CBFA2T2: variants seen among roughly 807,000 people sequenced by gnomAD.
The protein encoded by CBFA2T2 is protein CBFA2T2.
CBFA2T2 carries 11 observed loss-of-function variants against 62.2 expected under a neutral mutation model. That is an observed-to-expected ratio of 0.18 (90% confidence interval 0.11 to 0.29). The LOEUF (loss-of-function observed/expected upper bound fraction) is 0.29. CBFA2T2 is among the 10% of genes least tolerant of loss of function. The pLI is 1.00. For missense variants in CBFA2T2, 592 were observed against 774.1 expected, an observed-to-expected ratio of 0.76 and a Z score of 2.79; for synonymous variants, 295 against 287.5, an observed-to-expected ratio of 1.03 and a Z score of -0.27.
intron 1 of CBFA2T2, among the ~76,000 whole-genome samples, chr20:33,504,215 C>G (rs900860690): frequency 6.6e-6 from 1 of 151,792 alleles, no homozygotes; most frequent in African/African-American, 2.4e-5. Flanking sequence ...TAGGTTGTTC[C>G]TTTTTATTGT....
intron 3 of CBFA2T2, among the ~76,000 whole-genome samples, chr20:33,615,589 A>G (rs527992184): frequency 2.6e-5 from 4 of 152,230 alleles, no homozygotes; most frequent in South Asian, 4.1e-4. Context: ...ATTCCCCCCA[A>G]TAAGTAGCAA....
chr20:33,606,895 T>C, intron 1 of CBFA2T2, 61 bp from the exon 2 acceptor site: 2 of 1,539,704 alleles, frequency 1.3e-6, no homozygotes, highest in Non-Finnish European at 1.8e-6. Context: ...TATTTCAAAT[T>C]GTTGTCTGTT....
chr20:33,585,260 A>T (rs571910015), intron 1 of CBFA2T2, among the ~76,000 whole-genome samples: 1 of 152,290 alleles, frequency 6.6e-6, no homozygotes, highest in South Asian at 2.1e-4. Context: ...GCAAATGAAA[A>T]TATTTTATAA....
rs139607393 is a variant in CBFA2T2 at position 33,557,875 on chromosome 20, G to T, written c.35-49081G>T. ...TTTGAGACAAAAATCTTGCTCTGTCGCCCAAGCTAAAGTGCAGTGGCGCGA... is the reference window on the plus strand; with the variant it reads ...TTTGAGACAAAAATCTTGCTCTGTCTCCCAAGCTAAAGTGCAGTGGCGCGA... On this transcript the variant is annotated intron_variant, in intron 1 of 10. Coordinates refer to ENST00000342704, the MANE Select transcript of CBFA2T2 (RefSeq NM_001032999.3). Among the ~76,000 whole-genome samples, 695 of 149,554 alleles carry T rather than the reference G, an allele frequency of 4.6e-3. 4 individuals are homozygous for T. The highest frequency in any genetic ancestry group is 0.014 in the Middle Eastern group (4 of 290).
intron 1 of CBFA2T2, among the ~76,000 whole-genome samples, chr20:33,576,997 G>C (rs372228301): frequency 1.3e-5 from 2 of 152,212 alleles, no homozygotes; most frequent in East Asian, 3.8e-4. Context: ...GCCAAAAAAA[G>C]ATGGAGCACT....
intron 1 of CBFA2T2, among the ~76,000 whole-genome samples, chr20:33,554,186 A>G (rs944718697): frequency 6.6e-6 from 1 of 152,072 alleles, no homozygotes; most frequent in East Asian, 1.9e-4. Context: ...ACTTCTGTGC[A>G]AGTAAGGAGT....
At chr20:33,613,569 C>A (rs764999589) in intron 3 of CBFA2T2, among the ~76,000 whole-genome samples, 15 of 152,128 alleles carry the variant, frequency 9.9e-5, no homozygotes, top group Admixed American at 8.5e-4. Flanking sequence ...GACTCAATGC[C>A]AAGGTTTTTG....
At position 33,644,964 on chromosome 20, in the gene CBFA2T2, A is replaced by C; in HGVS notation, c.*318A>C. The C allele has an allele frequency of 5.5e-5, 16 of 292,882 alleles. No homozygotes were observed. The highest frequency in any genetic ancestry group is 7.1e-5 in the Non-Finnish European group (11 of 155,082). 18.1% of individuals were successfully genotyped at this position (292,882 alleles called of 1,614,324 possible). A position where few individuals can be genotyped will look rare whatever the true frequency, so the allele number is the denominator to read the frequency against. Reference sequence around the variant, plus strand: ...GTGTAGACCACCAGCTCCCCTCCCCATCTCCTTGAGTCAGCAGACTGTCCA... The same window carrying C: ...GTGTAGACCACCAGCTCCCCTCCCCCTCTCCTTGAGTCAGCAGACTGTCCA... On this transcript the variant is annotated 3_prime_UTR_variant, in exon 11 of 11. Coordinates refer to ENST00000342704, the MANE Select transcript of CBFA2T2 (RefSeq NM_001032999.3).
chr20:33,634,227 A>G (rs1317759884), intron 8 of CBFA2T2, among the ~76,000 whole-genome samples: 1 of 152,174 alleles, frequency 6.6e-6, no homozygotes, highest in Non-Finnish European at 1.5e-5. Context: ...TTGGCCTCCC[A>G]AAGTGCTGAG....
chr20:33,634,766 C>G (rs2016579331), intron 8 of CBFA2T2, among the ~76,000 whole-genome samples: 1 of 151,414 alleles, frequency 6.6e-6, no homozygotes, highest in African/African-American at 2.4e-5. Flanking sequence ...CTAGTTAAGT[C>G]CATAGCAGAT....
chr20:33,644,578 A>G lies in CBFA2T2; in HGVS notation c.1720A>G (p.Thr574Ala). The G allele has an allele frequency of 6.2e-7, 1 of 1,613,088 alleles. No individual in the cohort carries two copies. The highest frequency in any genetic ancestry group is 8.5e-7 in the Non-Finnish European group (1 of 1,179,196). ...CSVPSPALDKTSATTSRSSTP... is the reference protein window; with the variant it reads ...CSVPSPALDKASATTSRSSTP... ...CGTGCCCAGCCCAGCCCTCGACAAG[A>G]CCTCGGCAACCACATCGCGTTCCTC... Residue 574 changes from threonine (T) to alanine (A), a missense_variant, in exon 11 of 11, where the codon ACC becomes GCC. Coordinates refer to ENST00000342704, the MANE Select transcript of CBFA2T2 (RefSeq NM_001032999.3).
chr20:33,542,454 A>T (rs892560310), intron 1 of CBFA2T2, among the ~76,000 whole-genome samples: 1 of 151,772 alleles, frequency 6.6e-6, no homozygotes, highest in African/African-American at 2.4e-5. Flanking sequence ...TTTTTATTAT[A>T]ATTTTTTTCA....
chr20:33,506,411 A>G (rs2011404591), intron 1 of CBFA2T2, among the ~76,000 whole-genome samples: 1 of 152,150 alleles, frequency 6.6e-6, no homozygotes, highest in East Asian at 1.9e-4. Flanking sequence ...AAATACATTG[A>G]AAAAAATTAA....
chr20:33,643,917 A>G (rs1455556707), intron 10 of CBFA2T2, among the ~76,000 whole-genome samples: 1 of 148,298 alleles, frequency 6.7e-6, no homozygotes, highest in African/African-American at 2.5e-5. Flanking sequence ...AGAAAGGAGT[A>G]GGATAAATGT....
Position 33,515,816 on chromosome 20 carries a change from A to G in CBFA2T2, c.34+25515A>G, listed in dbSNP as rs867599009. Among the ~76,000 whole-genome samples the G allele has an allele frequency of 4.9e-4, 74 of 151,746 alleles. 1 individual carries two copies. Among genetic ancestry groups the G allele is most frequent in the Admixed American group, 1.3e-3 (19 of 15,184 alleles). ...GACTCCATCTCAAAAAAAAAAAAAA[A>G]AAAAACGGGGCGGGGGGAATATCTT... is the stretch of plus-strand genomic sequence containing the variant. On this transcript the variant is annotated intron_variant, in intron 1 of 10. Coordinates refer to ENST00000342704, the MANE Select transcript of CBFA2T2 (RefSeq NM_001032999.3).
chr20:33,610,645 T>C (rs1198809555), intron 2 of CBFA2T2, among the ~76,000 whole-genome samples: 1 of 152,192 alleles, frequency 6.6e-6, no homozygotes, highest in Non-Finnish European at 1.5e-5. Context: ...ATCATAACTC[T>C]TTTTTCTGGT....
At position 33,627,224 on chromosome 20, in the gene CBFA2T2, C is replaced by T. The variant is rs150787533; in HGVS notation, c.947-1126C>T. 3.7e-3 allele frequency among the ~76,000 whole-genome samples: 561 copies of T among 151,984 alleles called. 4 individuals are homozygous for T. Among genetic ancestry groups the T allele is most frequent in the African/African-American group, 0.013 (536 of 41,442 alleles). Reference sequence around the variant, plus strand: ...CATCCTGGCTAACATGGTAAAACCCCGTCTCTACTAAAAATACAAAAAATT... The same window carrying T: ...CATCCTGGCTAACATGGTAAAACCCTGTCTCTACTAAAAATACAAAAAATT... On this transcript the variant is annotated intron_variant, in intron 6 of 10. Coordinates refer to ENST00000342704, the MANE Select transcript of CBFA2T2 (RefSeq NM_001032999.3).
Position 33,649,383 on chromosome 20 carries a change from T to A in CBFA2T2, c.*4737T>A, listed in dbSNP as rs937545567. On this transcript the variant is annotated 3_prime_UTR_variant, in exon 11 of 11. Coordinates refer to ENST00000342704, the MANE Select transcript of CBFA2T2 (RefSeq NM_001032999.3). ...TTGTGAAACCAAAACGTTGACTACC[T>A]GCCTCTTTCCTCGGGCATCGACGTG... The A allele has an allele frequency of 8.5e-5, 13 of 152,690 alleles. No homozygotes were observed. Among genetic ancestry groups the A allele is most frequent in the African/African-American group, 2.9e-4 (12 of 41,464 alleles). 9.5% of individuals were successfully genotyped at this position (152,690 alleles called of 1,614,324 possible).
Position 33,524,603 on chromosome 20 carries a change from TA to T in CBFA2T2, c.34+34312del, listed in dbSNP as rs200999228. ...TTTTGTTGCAATTTATTTTTAGGAT[TA>T]AAAAAAAAATCCAGATGCTCACTTA... On this transcript the variant is annotated intron_variant, in intron 1 of 10. Coordinates refer to ENST00000342704, the MANE Select transcript of CBFA2T2 (RefSeq NM_001032999.3). Among the ~76,000 whole-genome samples, 233 of 150,332 alleles carry T rather than the reference TA, an allele frequency of 1.5e-3. 1 individual carries two copies. Among genetic ancestry groups the T allele is most frequent in the East Asian group, 6.6e-3 (34 of 5,154 alleles).
Sources: allele counts gnomAD v4.1 joint callset (sites outside exome capture counted in the v4.1 genomes callset), GRCh38; gene constraint gnomAD v4.1.1; transcripts MANE v1.5; gene names NCBI Gene and HGNC (gene_info 2026-07-23, HGNC 2026-07-21).